Variants in TAFA5 observed in about 807,000 individuals in gnomAD.
TAFA5 encodes TAFA chemokine like family member 5.
In TAFA5, 6 loss-of-function variants were observed where a neutral mutation model predicts 15.3. The observed-to-expected ratio is 0.39, with a 90% CI of 0.21 to 0.77. The LOEUF is 0.77. Among genes scored for constraint, TAFA5 ranks in the 30% least tolerant of loss-of-function variants. TAFA5 has a pLI of 0.41. For synonymous variants in TAFA5, 103 were observed against 80.7 expected (o/e 1.28, Z -1.48); for missense variants, 161 against 193.1 (o/e 0.83, Z 0.98).
At chr22:48,576,248 CG>C in intron 1 of TAFA5, 1 of 487,994 alleles carries the variant, frequency 2.0e-6, no homozygotes, top group Non-Finnish European at 3.1e-6. Flanking sequence ...TCCCCGCCCC[CG>C]CCCGCCCCCT....
intron 2 of TAFA5, among the ~76,000 whole-genome samples, chr22:48,695,742 C>T (rs895263005): frequency 6.6e-6 from 1 of 152,160 alleles, no homozygotes; most frequent in African/African-American, 2.4e-5. Context: ...AGCAGGGGCA[C>T]CTTCCTGAGC....
At chr22:48,524,243 C>A (rs370852243) in intron 1 of TAFA5, among the ~76,000 whole-genome samples, 3 of 152,224 alleles carry the variant, frequency 2.0e-5, no homozygotes, top group African/African-American at 7.2e-5. Flanking sequence ...CAAAAGCCTG[C>A]GTGGCTTTGA....
chr22:48,646,870 C>T (rs1242408652), intron 2 of TAFA5, 124 bp downstream of exon 2: 1 of 1,244,336 alleles, frequency 8.0e-7, no homozygotes, highest in Non-Finnish European at 1.1e-6. Context: ...TCGGGTCAGG[C>T]CCCTGGCTGT....
At chr22:48,619,324 G>A (rs897058049) in intron 1 of TAFA5, among the ~76,000 whole-genome samples, 1 of 151,666 alleles carries the variant, frequency 6.6e-6, no homozygotes, top group Non-Finnish European at 1.5e-5. Flanking sequence ...GAGGGTGTGG[G>A]TGAAGGCACA....
chr22:48,501,373 G>A (rs182486217), intron 1 of TAFA5, among the ~76,000 whole-genome samples: 5 of 152,330 alleles, frequency 3.3e-5, no homozygotes, highest in South Asian at 2.1e-4. Flanking sequence ...GCATTTTCCC[G>A]CCCTCGCGTC....
At chr22:48,731,435 C>T (rs11912069) in intron 3 of TAFA5, among the ~76,000 whole-genome samples, 2,495 of 152,324 alleles carry the variant, frequency 0.016, 76 homozygotes, top group African/African-American at 0.056. Context: ...AGAAGACGCC[C>T]ACTGTGGGAT....
chr22:48,501,284 A>C (rs2147096010), intron 1 of TAFA5, among the ~76,000 whole-genome samples: 1 of 152,344 alleles, frequency 6.6e-6, no homozygotes, highest in South Asian at 2.1e-4. Flanking sequence ...TCAGCCCCCG[A>C]GGCCTTCAGT....
intron 2 of TAFA5, among the ~76,000 whole-genome samples, chr22:48,687,023 G>A (rs13056789): frequency 1.3e-5 from 2 of 151,548 alleles, no homozygotes; most frequent in Non-Finnish European, 2.9e-5. Context: ...CAAGTGGATG[G>A]ATGGATGGAT....
At chr22:48,587,747 C>T (rs916425265) in intron 1 of TAFA5, among the ~76,000 whole-genome samples, 6 of 152,258 alleles carry the variant, frequency 3.9e-5, no homozygotes, top group Admixed American at 1.3e-4. Context: ...TCCAGCCACC[C>T]GCGTGAGCAT....
intron 3 of TAFA5, among the ~76,000 whole-genome samples, chr22:48,730,350 C>T (rs530906193): frequency 6.6e-6 from 1 of 152,022 alleles, no homozygotes; most frequent in African/African-American, 2.4e-5. Context: ...CACGCCACTG[C>T]ACTCCAGCCT....
intron 2 of TAFA5, among the ~76,000 whole-genome samples, chr22:48,679,311 CCCGT>C (rs2147228804): frequency 1.8e-5 from 1 of 55,814 alleles, no homozygotes; most frequent in East Asian, 6.6e-4. Flanking sequence ...CTCCGGGCTC[CCCGT>C]CCATCCCTCT....
chr22:48,672,621 A>G (rs1927836771), intron 2 of TAFA5, among the ~76,000 whole-genome samples: 1 of 152,214 alleles, frequency 6.6e-6, no homozygotes, highest in Non-Finnish European at 1.5e-5. Context: ...CTCCCAGCCT[A>G]CATGATGGCT....
chr22:48,702,466 C>T (rs1425952085), intron 2 of TAFA5, among the ~76,000 whole-genome samples: 2 of 152,238 alleles, frequency 1.3e-5, no homozygotes, highest in East Asian at 1.9e-4. Flanking sequence ...TGGCTCCCTT[C>T]TCCAGCCACG....
chr22:48,526,469 G>A (rs927298173), intron 1 of TAFA5, among the ~76,000 whole-genome samples: 1 of 152,208 alleles, frequency 6.6e-6, no homozygotes, highest in Non-Finnish European at 1.5e-5. Context: ...AGCCCTCAGA[G>A]TCCCTGGTCC....
At chr22:48,538,318 C>G (rs1322695100) in intron 1 of TAFA5, among the ~76,000 whole-genome samples, 6 of 152,174 alleles carry the variant, frequency 3.9e-5, no homozygotes, top group Admixed American at 2.0e-4. Context: ...GCCGCTGCCC[C>G]GAGCCCTGCC....
At chr22:48,678,657 C>T (rs1928054894) in intron 2 of TAFA5, among the ~76,000 whole-genome samples, 1 of 151,512 alleles carries the variant, frequency 6.6e-6, no homozygotes, top group Admixed American at 6.6e-5. Context: ...GTCCTCAGCC[C>T]ACCCACAGGA....
chr22:48,727,415 T>C (rs1929745723), intron 3 of TAFA5, among the ~76,000 whole-genome samples: 1 of 152,322 alleles, frequency 6.6e-6, no homozygotes, highest in East Asian at 1.9e-4. Flanking sequence ...AGAGAAATGA[T>C]GTAGTCATTA....
chr22:48,663,999 G>C (rs1035638065), intron 2 of TAFA5, among the ~76,000 whole-genome samples: 1 of 152,228 alleles, frequency 6.6e-6, no homozygotes, highest in South Asian at 2.1e-4. Context: ...CACATGCTGA[G>C]GTTGCTAAGA....
At position 48,742,440 on chromosome 22, in the gene TAFA5, C is replaced by T. The variant is rs960421833; in HGVS notation, c.391-7399C>T. ...CAGCCAGAGCAGGTGGGGCAGGAGACGGGTGGAGCGGGTGGTGCTGTGTGG... is the reference window on the plus strand; with the variant it reads ...CAGCCAGAGCAGGTGGGGCAGGAGATGGGTGGAGCGGGTGGTGCTGTGTGG... On this transcript the variant is annotated intron_variant, in intron 3 of 3. Transcript: ENST00000402357. The surrounding 1 kb of genome is among the most constrained non-coding windows in gnomAD (Gnocchi z 6.2). Among the ~76,000 whole-genome samples, 6 of 152,282 alleles carry T rather than the reference C, an allele frequency of 3.9e-5. No individual in the cohort carries two copies. Among genetic ancestry groups the T allele is most frequent in the Middle Eastern group, 3.4e-3 (1 of 294 alleles).
Sources: allele counts gnomAD v4.1 joint callset (sites outside exome capture counted in the v4.1 genomes callset), GRCh38; gene constraint gnomAD v4.1.1; non-coding constraint Gnocchi (gnomAD v3.1); transcripts MANE v1.5; gene names NCBI Gene and HGNC (gene_info 2026-07-23, HGNC 2026-07-21).